MLIP: variants seen among roughly 807,000 people sequenced by gnomAD.
MLIP encodes muscular LMNA interacting protein.
MLIP carries 79 observed loss-of-function variants against 84.8 expected under a neutral mutation model. That is an observed-to-expected ratio of 0.93 (90% CI 0.78 to 1.12). The LOEUF (loss-of-function observed/expected upper bound fraction) is 1.12. Among genes scored for constraint, MLIP ranks in the 50% most tolerant of loss-of-function variants. The probability of loss-of-function intolerance (pLI) is 0.00; values close to 1 mark genes in which losing one functional copy is unlikely to be tolerated. For missense variants in MLIP, 1,257 were observed against 1,160.6 expected, an observed-to-expected ratio of 1.08 and a Z score of -1.21; for synonymous variants, 504 against 463.0, an observed-to-expected ratio of 1.09 and a Z score of -1.14.
At chr6:54,055,914 T>C (rs971665651) in intron 1 of MLIP, among the ~76,000 whole-genome samples, 2 of 152,142 alleles carry the variant, frequency 1.3e-5, no homozygotes, top group African/African-American at 4.8e-5. Context: ...CCTGCTTTCA[T>C]GAAGCTTAGA....
Position 54,078,223 on chromosome 6 carries a change from T to C in MLIP, c.64-43224T>C, listed in dbSNP as rs139886197. On this transcript the variant is annotated intron_variant, in intron 1 of 12. Coordinates refer to the MLIP transcript ENST00000274897. ...ATTTCTACCTAAAATTTTACATTTA[T>C]AAAATATCACACAGGCAGTAATAAC... Among the ~76,000 whole-genome samples the C allele has an allele frequency of 2.1e-3, 320 of 152,344 alleles. 2 individuals carry two copies. The highest frequency in any genetic ancestry group is 7.1e-3 in the African/African-American group (296 of 41,584).
At chr6:54,072,060 G>C (rs1340426911) in intron 1 of MLIP, among the ~76,000 whole-genome samples, 3 of 152,164 alleles carry the variant, frequency 2.0e-5, no homozygotes, top group Non-Finnish European at 4.4e-5. Context: ...ATAGGCTTTA[G>C]TGGCGAAAAG....
intron 12 of MLIP, among the ~76,000 whole-genome samples, chr6:54,254,055 T>C (rs905562358): frequency 6.6e-6 from 1 of 150,886 alleles, no homozygotes; most frequent in Non-Finnish European, 1.5e-5. Context: ...CTTGGATGAC[T>C]CTCTCTGTCC....
At chr6:54,022,746 G>T (rs569113570) in intron 1 of MLIP, among the ~76,000 whole-genome samples, 1 of 152,094 alleles carries the variant, frequency 6.6e-6, no homozygotes, top group Non-Finnish European at 1.5e-5. Flanking sequence ...ATAAATAATG[G>T]TTTCTTTAAG....
At chr6:54,206,977 A>G (rs978987959) in intron 11 of MLIP, among the ~76,000 whole-genome samples, 1 of 152,194 alleles carries the variant, frequency 6.6e-6, no homozygotes, top group African/African-American at 2.4e-5. Context: ...TTTATTGAGA[A>G]ATATTTTGGG....
chr6:54,160,945 A>G, intron 8 of MLIP, 146 bp downstream of exon 8: 1 of 687,152 alleles, frequency 1.5e-6, no homozygotes, highest in South Asian at 2.0e-5. Context: ...TAAAGATAGT[A>G]AATATTAGAC....
chr6:54,168,078 T>C (rs765317929), intron 8 of MLIP, among the ~76,000 whole-genome samples: 1 of 151,916 alleles, frequency 6.6e-6, no homozygotes, highest in African/African-American at 2.4e-5. Flanking sequence ...TTGATGTTTT[T>C]GATTAAATAT....
chr6:54,132,378 A>T (rs186888243), intron 3 of MLIP, among the ~76,000 whole-genome samples: 2 of 152,330 alleles, frequency 1.3e-5, no homozygotes, highest in Admixed American at 6.5e-5. Context: ...GATTTCTAAG[A>T]GGGCAAGAGC....
intron 1 of MLIP, among the ~76,000 whole-genome samples, chr6:54,117,447 C>A (rs934352102): frequency 1.3e-5 from 2 of 151,170 alleles, no homozygotes; most frequent in African/African-American, 2.4e-5. Context: ...ATCTCCTGAC[C>A]TTGTGAGCCA....
chr6:54,076,152 G>A (rs940728009), intron 1 of MLIP, among the ~76,000 whole-genome samples: 3 of 152,134 alleles, frequency 2.0e-5, no homozygotes, highest in Admixed American at 6.5e-5. Context: ...AAAAACAATT[G>A]TCTGTCTCTG....
intron 1 of MLIP, among the ~76,000 whole-genome samples, chr6:54,040,810 A>C (rs1263150068): frequency 6.6e-6 from 1 of 152,132 alleles, no homozygotes; most frequent in Non-Finnish European, 1.5e-5. Flanking sequence ...GAATTAATGA[A>C]GAAACAGAAA....
At chr6:54,147,567 C>T (rs1772988764) in intron 4 of MLIP, among the ~76,000 whole-genome samples, 1 of 151,962 alleles carries the variant, frequency 6.6e-6, no homozygotes, top group South Asian at 2.1e-4. Flanking sequence ...GTAGCTTCTT[C>T]CTATGAGGGA....
intron 1 of MLIP, among the ~76,000 whole-genome samples, chr6:54,089,134 G>A (rs1435003102): frequency 6.6e-6 from 1 of 152,056 alleles, no homozygotes; most frequent in African/African-American, 2.4e-5. Flanking sequence ...TTTGGTGTGA[G>A]TTTCAGTTGA....
chr6:54,250,910 T>C (rs929295650), intron 12 of MLIP, among the ~76,000 whole-genome samples: 1 of 152,066 alleles, frequency 6.6e-6, no homozygotes, highest in African/African-American at 2.4e-5. Context: ...TCAATACTTT[T>C]ACTTCCTAAC....
At chr6:54,256,724 A>C (rs1783029767) in intron 12 of MLIP, among the ~76,000 whole-genome samples, 1 of 152,170 alleles carries the variant, frequency 6.6e-6, no homozygotes, top group African/African-American at 2.4e-5. Context: ...CTCTTCTGTT[A>C]AAGTGTCTCT....
chr6:54,170,372 T>A (rs1150882), intron 9 of MLIP, among the ~76,000 whole-genome samples: 142,336 of 151,676 alleles, frequency 0.94, 67,452 homozygotes, highest in East Asian at 1. Flanking sequence ...ATTGTAATTT[T>A]TACAGTTCTG....
intron 1 of MLIP, among the ~76,000 whole-genome samples, chr6:54,074,747 A>C (rs1228923597): frequency 1.3e-5 from 2 of 152,180 alleles, no homozygotes; most frequent in Admixed American, 1.3e-4. Context: ...AGTTATGCTA[A>C]CTTGGGCAAA....
At chr6:54,057,073 C>G (rs1765703493) in intron 1 of MLIP, among the ~76,000 whole-genome samples, 1 of 152,174 alleles carries the variant, frequency 6.6e-6, no homozygotes. Flanking sequence ...TCATTTACTC[C>G]TCACAATAGC....
At position 54,066,107 on chromosome 6, in the gene MLIP, A is replaced by G. The variant is rs1441207827; in HGVS notation, c.63+47016A>G. ...TAATGATTTTTCTATTGACAATTTGAACTGTTTTTGTATTTTCCTTTAAAC... is the reference window on the plus strand; with the variant it reads ...TAATGATTTTTCTATTGACAATTTGGACTGTTTTTGTATTTTCCTTTAAAC... On this transcript the variant is annotated intron_variant, in intron 1 of 12. Transcript: ENST00000274897. 2.0e-5 allele frequency among the ~76,000 whole-genome samples: 2 copies of G among 99,252 alleles called. 1 individual carries two copies. The highest frequency in any genetic ancestry group is 5.7e-5 in the Non-Finnish European group (2 of 34,822). The allele number at this position is 99,252 out of a possible 152,430, so 65.1% of individuals were successfully genotyped here.
Sources: allele counts gnomAD v4.1 joint callset (sites outside exome capture counted in the v4.1 genomes callset), GRCh38; gene constraint gnomAD v4.1.1; transcripts MANE v1.5; gene names NCBI Gene and HGNC (gene_info 2026-07-23, HGNC 2026-07-21).